The following DGKI variants were observed in gnomAD, a reference collection of about 807,000 sequenced individuals.
DGKI encodes DAG kinase iota.
A neutral mutation model predicts 147.5 loss-of-function variants in DGKI; 55 were observed. The observed-to-expected ratio is 0.37, with a 90% CI of 0.30 to 0.47. The LOEUF is 0.47. Ranked by LOEUF, DGKI falls within the 20% of genes least tolerant of loss-of-function variation. DGKI has a pLI of 1.00. For synonymous variants in DGKI, 469 were observed against 477.1 expected (o/e 0.98, Z 0.22); for missense variants, 1,007 against 1,323.8 (o/e 0.76, Z 3.71).
chr7:137,443,741 T>C (rs1056312809), intron 28 of DGKI, among the ~76,000 whole-genome samples: 24 of 152,166 alleles, frequency 1.6e-4, no homozygotes, highest in African/African-American at 5.6e-4. Flanking sequence ...ATTTTTATCA[T>C]TTTAAGGATA....
chr7:137,462,455 G>A (rs1298437767), intron 27 of DGKI, among the ~76,000 whole-genome samples: 1 of 152,168 alleles, frequency 6.6e-6, no homozygotes, highest in Non-Finnish European at 1.5e-5. Flanking sequence ...ATACAGAGAA[G>A]CAATTAAAAT....
chr7:137,710,810 C>T (rs1585396589), intron 1 of DGKI, among the ~76,000 whole-genome samples: 1 of 151,932 alleles, frequency 6.6e-6, no homozygotes, highest in South Asian at 2.1e-4. Flanking sequence ...TAATTCTGTT[C>T]ATCAAAAACA....
chr7:137,570,981 T>C (rs1818774168), intron 19 of DGKI, among the ~76,000 whole-genome samples, 194 bp downstream of exon 19: 1 of 152,208 alleles, frequency 6.6e-6, no homozygotes, highest in Non-Finnish European at 1.5e-5. Context: ...ATTCTTGAGG[T>C]TCAAACAAAT....
At chr7:137,675,813 G>T (rs924270782) in intron 3 of DGKI, among the ~76,000 whole-genome samples, 6 of 151,624 alleles carry the variant, frequency 4.0e-5, no homozygotes, top group Non-Finnish European at 8.8e-5. Flanking sequence ...TTTGTTTATT[G>T]TTATAAAGTT....
intron 3 of DGKI, among the ~76,000 whole-genome samples, chr7:137,661,126 G>A (rs1179981391): frequency 2.6e-5 from 4 of 152,174 alleles, no homozygotes; most frequent in South Asian, 2.1e-4. Context: ...ACTGCCTGCT[G>A]ACTACATAGC....
At chr7:137,649,661 A>C (rs1821953732) in intron 5 of DGKI, among the ~76,000 whole-genome samples, 1 of 151,956 alleles carries the variant, frequency 6.6e-6, no homozygotes, top group Admixed American at 6.6e-5. Context: ...AATACTGCTC[A>C]GGTGATGCGT....
At chr7:137,501,307 T>C (rs1816163285) in intron 21 of DGKI, among the ~76,000 whole-genome samples, 1 of 152,236 alleles carries the variant, frequency 6.6e-6, no homozygotes. Context: ...TTGACTATTA[T>C]GAATACTGCT....
chr7:137,417,685 T>C (rs1812409833), intron 28 of DGKI, among the ~76,000 whole-genome samples: 3 of 152,144 alleles, frequency 2.0e-5, no homozygotes, highest in Admixed American at 1.3e-4. Context: ...CCCAGTGTGG[T>C]ATTAAGAGGT....
chr7:137,391,204 T>C lies in DGKI; in HGVS notation c.*16A>G. Reference sequence around the variant, plus strand: ...GTGATACGCTTGCTCATGTCCTCTTTGCCCGAATACCAGGGTCAAACAGCA... The same window carrying C: ...GTGATACGCTTGCTCATGTCCTCTTCGCCCGAATACCAGGGTCAAACAGCA... On this transcript the variant is annotated 3_prime_UTR_variant, in exon 33 of 33. Transcript: ENST00000614521. The C allele has an allele frequency of 6.2e-7, 1 of 1,600,058 alleles. No homozygotes were observed. Among genetic ancestry groups the C allele is most frequent in the Middle Eastern group, 1.7e-4 (1 of 5,842 alleles).
chr7:137,649,375 A>G (rs1483825615), intron 5 of DGKI, among the ~76,000 whole-genome samples: 2 of 152,156 alleles, frequency 1.3e-5, no homozygotes, highest in African/African-American at 4.8e-5. Context: ...TAACACTGCA[A>G]ATGTGACTGT....
intron 3 of DGKI, among the ~76,000 whole-genome samples, chr7:137,667,493 C>A (rs535307311): frequency 6.6e-6 from 1 of 152,000 alleles, no homozygotes; most frequent in Admixed American, 6.5e-5. Context: ...CTTTTTCAGT[C>A]CTTGCTGGTG....
intron 6 of DGKI, among the ~76,000 whole-genome samples, chr7:137,637,989 G>C (rs1009733258): frequency 6.6e-6 from 1 of 152,132 alleles, no homozygotes; most frequent in Non-Finnish European, 1.5e-5. Context: ...AATTTGGAAA[G>C]GGAGGTCAGC....
At chr7:137,652,770 T>G (rs1822074600) in intron 5 of DGKI, among the ~76,000 whole-genome samples, 1 of 152,238 alleles carries the variant, frequency 6.6e-6, no homozygotes, top group Admixed American at 6.5e-5. Context: ...GCATTGTCAC[T>G]AGCAATTATA....
At position 137,722,923 on chromosome 7, in the gene DGKI, G is replaced by A. The variant is rs1040157376; in HGVS notation, c.402-32921C>T. 22 of 638,692 alleles carry A rather than the reference G, an allele frequency of 3.4e-5. No individual in the cohort carries two copies. In the Middle Eastern group the frequency reaches 1.7e-3, roughly 50 times the overall value. 39.6% of individuals were successfully genotyped at this position (638,692 alleles called of 1,614,324 possible). On this transcript the variant is annotated intron_variant, in intron 1 of 32. Transcript: ENST00000614521. ...AAAAAAGTATAGCATAGTGAGTGGT[G>A]AAGTGCACAGGCTCTGGAAACAGAC...
intron 3 of DGKI, among the ~76,000 whole-genome samples, chr7:137,661,694 C>T (rs1205491583): frequency 6.6e-6 from 1 of 152,162 alleles, no homozygotes; most frequent in East Asian, 1.9e-4. Flanking sequence ...CAGGAGAGTG[C>T]TCTCCTCCTC....
At chr7:137,433,554 C>A (rs1384960328) in intron 28 of DGKI, among the ~76,000 whole-genome samples, 1 of 152,144 alleles carries the variant, frequency 6.6e-6, no homozygotes, top group Non-Finnish European at 1.5e-5. Context: ...GTGTACCAAC[C>A]CAGCCCCTTG....
At chr7:137,762,629 T>C (rs1795892729) in intron 1 of DGKI, among the ~76,000 whole-genome samples, 1 of 152,182 alleles carries the variant, frequency 6.6e-6, no homozygotes, top group Non-Finnish European at 1.5e-5. Context: ...CACAGCTAAC[T>C]CCTTTTTTTC....
intron 12 of DGKI, among the ~76,000 whole-genome samples, chr7:137,595,565 T>C (rs1488605793): frequency 1.3e-5 from 2 of 152,194 alleles, no homozygotes; most frequent in Admixed American, 1.3e-4. Context: ...TAATTATACA[T>C]TTCACAAGTG....
intron 1 of DGKI, among the ~76,000 whole-genome samples, chr7:137,834,704 A>C (rs1486264251): frequency 6.6e-6 from 1 of 152,238 alleles, no homozygotes; most frequent in Non-Finnish European, 1.5e-5. Flanking sequence ...AACTCCATGA[A>C]GCAATTCTCT....
Sources: gnomAD v4.1 joint callset for allele counts (sites outside exome capture counted in the v4.1 genomes callset) on GRCh38, gnomAD v4.1.1 for gene constraint, MANE v1.5 for transcripts, NCBI Gene and HGNC (gene_info 2026-07-23, HGNC 2026-07-21) for gene names.